Variants in SLC10A7 observed in about 807,000 individuals in gnomAD.
The protein encoded by SLC10A7 is sodium/bile acid cotransporter 7.
SLC10A7 carries 29 observed loss-of-function variants against 43.2 expected under a neutral mutation model. The ratio of observed to expected loss-of-function variants is 0.67; its 90% CI spans 0.50 to 0.92. The LOEUF is 0.92. Among genes scored for constraint, SLC10A7 ranks in the 40% least tolerant of loss-of-function variants. The pLI is 0.00. For missense variants in SLC10A7, 295 were observed against 403.2 expected, an observed-to-expected ratio of 0.73 and a Z score of 2.30; for synonymous variants, 152 against 144.8, an observed-to-expected ratio of 1.05 and a Z score of -0.35.
chr4:146,428,443 A>T (rs1729530846), intron 5 of SLC10A7, among the ~76,000 whole-genome samples: 1 of 152,178 alleles, frequency 6.6e-6, no homozygotes. Flanking sequence ...TCAAGTGCAG[A>T]GGGCTGTAAC....
chr4:146,382,332 A>G (rs1737685738), intron 5 of SLC10A7, among the ~76,000 whole-genome samples: 1 of 152,134 alleles, frequency 6.6e-6, no homozygotes, highest in East Asian at 1.9e-4. Flanking sequence ...CATTTCTTCC[A>G]TTGTGCCATC....
At chr4:146,263,817 T>C (rs1003894888) in intron 10 of SLC10A7, among the ~76,000 whole-genome samples, 1 of 152,254 alleles carries the variant, frequency 6.6e-6, no homozygotes, top group African/African-American at 2.4e-5. Context: ...TGAAAGATGT[T>C]AGAAGGCACA....
In SLC10A7 at chr4:146,490,009, C is replaced by A. The variant is rs535312017; in HGVS notation, c.396+13840G>T. On this transcript the variant is annotated intron_variant, in intron 4 of 11. Coordinates refer to ENST00000335472, the MANE Select transcript of SLC10A7 (RefSeq NM_001029998.6). ...TTTTCAAGGGAGCTACATAATTCCT[C>A]CAACAAAAATTCTATTTTTTTTTTG... 7.2e-5 allele frequency among the ~76,000 whole-genome samples: 11 copies of A among 151,884 alleles called. No homozygotes were observed. In the South Asian group the frequency reaches 2.3e-3, roughly 32 times the overall value.
At chr4:146,354,244 A>C (rs1246350454) in intron 5 of SLC10A7, among the ~76,000 whole-genome samples, 4 of 150,518 alleles carry the variant, frequency 2.7e-5, no homozygotes, top group Admixed American at 2.0e-4. Context: ...TACACCAACA[A>C]CAGACAAACA....
At chr4:146,399,299 G>A (rs1215360547) in intron 5 of SLC10A7, among the ~76,000 whole-genome samples, 2 of 152,148 alleles carry the variant, frequency 1.3e-5, no homozygotes, top group Non-Finnish European at 2.9e-5. Context: ...GGAAGGGCGA[G>A]CTAGATAACA....
At chr4:146,383,538 C>T (rs979477720) in intron 5 of SLC10A7, among the ~76,000 whole-genome samples, 17 of 152,144 alleles carry the variant, frequency 1.1e-4, no homozygotes, top group Admixed American at 7.2e-4. Flanking sequence ...GCCATTGAGC[C>T]GCTTTCTCAG....
At position 146,316,077 on chromosome 4, in the gene SLC10A7, G is replaced by A. The variant is rs188967962; in HGVS notation, c.471+9884C>T. On this transcript the variant is annotated intron_variant, in intron 6 of 11. Transcript: ENST00000335472. ...TGCCACTTGTACCACTGTTTCATAA[G>A]GAAGATTAATATGAAATTCCAAGTA... Among the ~76,000 whole-genome samples, 262 of 152,152 alleles carry A rather than the reference G, an allele frequency of 1.7e-3. 1 individual carries two copies. Among genetic ancestry groups the A allele is most frequent in the Middle Eastern group, 0.017 (5 of 294 alleles).
chr4:146,450,856 C>T (rs1731519734), intron 4 of SLC10A7, among the ~76,000 whole-genome samples: 1 of 152,008 alleles, frequency 6.6e-6, no homozygotes, highest in East Asian at 1.9e-4. Context: ...TCTTTGGGGT[C>T]ACTTCAATAA....
At chr4:146,271,222 CAT>C (rs1560750389) in intron 10 of SLC10A7, among the ~76,000 whole-genome samples, 1 of 152,126 alleles carries the variant, frequency 6.6e-6, no homozygotes, top group East Asian at 1.9e-4. Context: ...GTCAAAAAGA[CAT>C]ATCAAACTTC....
At chr4:146,375,849 T>C (rs990559297) in intron 5 of SLC10A7, among the ~76,000 whole-genome samples, 25 of 152,230 alleles carry the variant, frequency 1.6e-4, no homozygotes, top group African/African-American at 5.3e-4. Context: ...TAGTGTCGGA[T>C]CCCACAGGTT....
intron 5 of SLC10A7, among the ~76,000 whole-genome samples, chr4:146,375,902 A>G (rs531013485): frequency 6.6e-6 from 1 of 152,270 alleles, no homozygotes; most frequent in East Asian, 1.9e-4. Context: ...TCACATGCTA[A>G]TCACAAGTCC....
At chr4:146,418,355 A>T (rs1319310916) in intron 5 of SLC10A7, among the ~76,000 whole-genome samples, 3 of 152,152 alleles carry the variant, frequency 2.0e-5, no homozygotes, top group African/African-American at 7.2e-5. Flanking sequence ...CTGGTGTGAA[A>T]GTCAGCTGCA....
At chr4:146,477,849 A>G (rs1383709283) in intron 4 of SLC10A7, 1 of 152,230 alleles carries the variant, frequency 6.6e-6, no homozygotes, top group African/African-American at 2.4e-5. Flanking sequence ...CTATTGATGT[A>G]TAATTTTAAC....
intron 5 of SLC10A7, among the ~76,000 whole-genome samples, chr4:146,391,060 T>C (rs1382139279): frequency 6.6e-6 from 1 of 152,154 alleles, no homozygotes; most frequent in East Asian, 1.9e-4. Flanking sequence ...TGTTGTGTAA[T>C]TAAAATGTCT....
At chr4:146,496,699 T>TA (rs1490511730) in intron 4 of SLC10A7, among the ~76,000 whole-genome samples, 1 of 152,176 alleles carries the variant, frequency 6.6e-6, no homozygotes. Context: ...TCAGACAGCA[T>TA]AAAAATATAG....
At chr4:146,430,503 G>C (rs747597659) in intron 5 of SLC10A7, among the ~76,000 whole-genome samples, 1 of 152,086 alleles carries the variant, frequency 6.6e-6, no homozygotes, top group Non-Finnish European at 1.5e-5. Context: ...TAGGAACACT[G>C]CAGAAAATAA....
chr4:146,292,750 C>T (rs1263989468), intron 9 of SLC10A7, among the ~76,000 whole-genome samples, 179 bp downstream of exon 9: 1 of 152,120 alleles, frequency 6.6e-6, no homozygotes, highest in Admixed American at 6.6e-5. Flanking sequence ...CAAGGAAAGA[C>T]CCTTTGTAAT....
chr4:146,414,205 G>A (rs1728405822), intron 5 of SLC10A7, among the ~76,000 whole-genome samples: 1 of 152,088 alleles, frequency 6.6e-6, no homozygotes, highest in Admixed American at 6.6e-5. Flanking sequence ...ACATGACTAG[G>A]AAACAACAGC....
chr4:146,317,590 T>G (rs1732413104), intron 6 of SLC10A7, among the ~76,000 whole-genome samples: 1 of 152,030 alleles, frequency 6.6e-6, no homozygotes, highest in Non-Finnish European at 1.5e-5. Context: ...GCATTTAAAT[T>G]AGTACACTGA....
Sources: gnomAD v4.1 joint callset for allele counts (sites outside exome capture counted in the v4.1 genomes callset) on GRCh38, gnomAD v4.1.1 for gene constraint, MANE v1.5 for transcripts, NCBI Gene and HGNC (gene_info 2026-07-23, HGNC 2026-07-21) for gene names.